BRD1: variants seen among roughly 807,000 people sequenced by gnomAD.
BRD1 encodes bromodomain containing 1.
BRD1 carries 24 observed loss-of-function variants against 107.7 expected under a neutral mutation model. That is an observed-to-expected ratio of 0.22 (90% confidence interval 0.16 to 0.31). The LOEUF (loss-of-function observed/expected upper bound fraction) is 0.31, where lower values mean the gene tolerates loss of function less well. BRD1 is among the 10% of genes least tolerant of loss of function. BRD1 has a pLI of 1.00. For missense variants in BRD1, 1,279 were observed against 1,638.6 expected (o/e 0.78, Z 3.79); for synonymous variants, 744 against 686.1 (o/e 1.08, Z -1.32).
At chr22:49,826,936 G>T (rs377255115) in intron 1 of BRD1, among the ~76,000 whole-genome samples, 1 of 152,144 alleles carries the variant, frequency 6.6e-6, no homozygotes, top group Non-Finnish European at 1.5e-5. Flanking sequence ...GGGAAGCCTC[G>T]CGTTCGTCGC....
Position 49,823,948 on chromosome 22 carries a change from T to C in BRD1, c.370A>G (p.Ile124Val), listed in dbSNP as rs373304041. Residue 124 changes from isoleucine (I) to valine (V), a missense_variant, in exon 2 of 13, where the codon ATC (isoleucine) becomes GTC (valine). This residue lies in a region of BRD1 where 223 missense variants were observed against 263.5 expected (regional missense o/e 0.85). Transcript: ENST00000404760. The part of the protein sequence containing the change: ...ASALPEPKVR[I>V]VEYSPPSAPR... ...GCGGACGGAGGGCTGTACTCCACGATGCGCACCTTGGGCTCCGGGAGGGCA... is the reference window on the plus strand; with the variant it reads ...GCGGACGGAGGGCTGTACTCCACGACGCGCACCTTGGGCTCCGGGAGGGCA... The C allele has an allele frequency of 7.4e-6, 12 of 1,614,168 alleles. No homozygotes were observed. In the African/African-American group the frequency reaches 8.0e-5, roughly 11 times the overall value.
Position 49,787,640 on chromosome 22 carries a change from C to T in BRD1, c.2607G>A (p.Ala869=), listed in dbSNP as rs1291877509. The change falls in exon 8 of 13, where the codon GCG becomes GCA. Residue 869 remains alanine (A), a synonymous_variant. Coordinates refer to ENST00000404760, the MANE Select transcript of BRD1 (RefSeq NM_001304808.3). Reference sequence around the variant, plus strand: ...TTACATCGCTTGCTGGCTCCGCCACCGCGGAGGCCGCCGCCGCCGGCACAT... The same window carrying T: ...TTACATCGCTTGCTGGCTCCGCCACTGCGGAGGCCGCCGCCGCCGGCACAT... ...SGDVPAAAAS[A]VAEPASDVNR... 1.0e-5 allele frequency: 16 copies of T among 1,550,594 alleles called. No homozygotes were observed. Among genetic ancestry groups the T allele is most frequent in the East Asian group, 2.4e-5 (1 of 40,936 alleles).
At chr22:49,775,990 C>A in intron 11 of BRD1, 60 bp downstream of exon 11, 1 of 1,488,966 alleles carries the variant, frequency 6.7e-7, no homozygotes, top group East Asian at 2.4e-5. Context: ...CGGACCACCC[C>A]CGCCCCGCAG....
chr22:49,798,749 C>G lies in BRD1; in HGVS notation c.1657-63G>C, dbSNP rs189635448. 1.6e-3 allele frequency: 2,389 copies of G among 1,483,042 alleles called. 32 individuals carry two copies. The African/African-American group carries it at 0.029, about 18-fold the overall frequency. 91.9% of individuals were successfully genotyped at this position (1,483,042 alleles called of 1,614,324 possible). On this transcript the variant is annotated intron_variant, in intron 4 of 12. Transcript: ENST00000404760. ...GCACATGCGTCTCAGCCCCACCACG[C>G]GCCCCACAGCCACAAGCAGCCCCCA... is the stretch of plus-strand genomic sequence containing the variant.
chr22:49,820,317 G>A (rs904612772), intron 2 of BRD1, among the ~76,000 whole-genome samples: 4 of 152,102 alleles, frequency 2.6e-5, no homozygotes, highest in Admixed American at 2.0e-4. Context: ...CCCTTCCAGC[G>A]TGACTGGCTG....
intron 2 of BRD1, chr22:49,818,230 G>A (rs1379421312): frequency 4.2e-6 from 5 of 1,204,256 alleles, no homozygotes; most frequent in Non-Finnish European, 5.3e-6. Flanking sequence ...GCCTATCTGA[G>A]GTTCTTGTCC....
In BRD1 at chr22:49,823,376, C is replaced by A; in HGVS notation, c.942G>T (p.Gly314=). 2 of 1,613,948 alleles carry A rather than the reference C, an allele frequency of 1.2e-6. No individual in the cohort carries two copies. Among genetic ancestry groups the A allele is most frequent in the Non-Finnish European group, 1.7e-6 (2 of 1,180,030 alleles). Residue 314 remains glycine, a synonymous_variant, in exon 2 of 13, where the codon GGG becomes GGT. Transcript: ENST00000404760. ...ACCGGGCTGGAGGGATGTTCCTCACCCCATCGATGGGCTCGATGAACACCG... is the reference window on the plus strand; with the variant it reads ...ACCGGGCTGGAGGGATGTTCCTCACACCATCGATGGGCTCGATGAACACCG... The part of the protein sequence containing the change: ...ANTVFIEPID[G]VRNIPPARWK...
Position 49,824,539 on chromosome 22 carries a change from G to A in BRD1, c.-14-208C>T. 2 of 1,389,956 alleles carry A rather than the reference G, an allele frequency of 1.4e-6. No homozygotes were observed. Among genetic ancestry groups the A allele is most frequent in the Non-Finnish European group, 1.9e-6 (2 of 1,073,108 alleles). 86.1% of individuals were successfully genotyped at this position (1,389,956 alleles called of 1,614,324 possible). ...ACCAGGGAGGGAGCAGCAGTAACAG[G>A]CAGAGAGGCAGCCTGAGGAGCCCTC... On this transcript the variant is annotated intron_variant, in intron 1 of 12. Transcript: ENST00000404760. This position sits in a 1 kb window ranked among gnomAD's most constrained non-coding sequence, Gnocchi z 5.9.
chr22:49,815,897 G>A (rs920874630), intron 2 of BRD1, among the ~76,000 whole-genome samples: 4 of 152,192 alleles, frequency 2.6e-5, no homozygotes. Flanking sequence ...CAGACCCGAT[G>A]CAGGTCAAGC....
Position 49,798,969 on chromosome 22 carries a change from G to C in BRD1, c.1656+19C>G, listed in dbSNP as rs764415848. On this transcript the variant is annotated intron_variant, in intron 4 of 12. Coordinates refer to ENST00000404760, the MANE Select transcript of BRD1 (RefSeq NM_001304808.3). ...CCGTGGCCAGTGGTGCACTCCACGC[G>C]GGACAGGCCCAGCCCCACCTGCTCA... The C allele has an allele frequency of 1.3e-6, 2 of 1,590,486 alleles. No individual in the cohort carries two copies. Among genetic ancestry groups the C allele is most frequent in the South Asian group, 2.2e-5 (2 of 89,608 alleles).
rs1242072676 is a variant in BRD1, at chr22:49,787,565, T to C, written c.2682A>G (p.Pro894=). The C allele has an allele frequency of 2.5e-6, 4 of 1,585,978 alleles. 1 individual carries two copies. The highest frequency in any genetic ancestry group is 8.6e-7 in the Non-Finnish European group (1 of 1,165,440). The stretch of plus-strand genomic sequence containing the variant: ...GGGTTTCAGTGTTCTTGGCAGACTT[T>C]GGGGGGCTTACACTTTTCGATTTGC... The part of the protein sequence containing the change: ...LFCKSKSVSP[P]KSAKNTETQP... The change falls in exon 8 of 13, where the codon CCA becomes CCG. Residue 894 remains proline, a synonymous_variant. Coordinates refer to ENST00000404760, the MANE Select transcript of BRD1 (RefSeq NM_001304808.3).
intron 8 of BRD1, among the ~76,000 whole-genome samples, chr22:49,786,268 C>T (rs533237978): frequency 7.6e-4 from 116 of 152,330 alleles, no homozygotes; most frequent in Middle Eastern, 3.4e-3. Context: ...CAACCTGAGC[C>T]GGCACCTCCA....
At chr22:49,813,288 C>T (rs1032230622) in intron 2 of BRD1, among the ~76,000 whole-genome samples, 2 of 152,052 alleles carry the variant, frequency 1.3e-5, no homozygotes, top group Non-Finnish European at 2.9e-5. Flanking sequence ...GTGGCATGAT[C>T]TCAGCTCACT....
intron 2 of BRD1, among the ~76,000 whole-genome samples, chr22:49,816,908 A>G (rs887742908): frequency 5.3e-5 from 8 of 152,282 alleles, no homozygotes; most frequent in South Asian, 2.1e-4. Context: ...AGCAGCCGGC[A>G]TATACCACCT....
At chr22:49,804,141 C>T in intron 3 of BRD1, 63 bp downstream of exon 3, 1 of 1,438,846 alleles carries the variant, frequency 7.0e-7, no homozygotes. Context: ...GAACCAGGTG[C>T]CCTCTCCCTG....
chr22:49,797,839 A>G lies in BRD1; in HGVS notation c.2064T>C (p.Ala688=), dbSNP rs763870829. 6.2e-7 allele frequency: 1 copy of G among 1,608,632 alleles called. No individual in the cohort carries two copies. Among genetic ancestry groups the G allele is most frequent in the Admixed American group, 1.7e-5 (1 of 59,844 alleles). Residue 688 remains alanine (A), a synonymous_variant, in exon 6 of 13, where the codon GCT becomes GCC. Transcript: ENST00000404760. The part of the protein sequence containing the change: ...ASGMHLPERP[A]AAPRRPFSWE... ...AGGAGAAAGGCCGCCGCGGTGCCGC[A>G]GCAGGCCGCTCAGGCAGGTGCATCC...
Position 49,774,204 on chromosome 22 carries a change from G to A in BRD1, c.*29C>T. 6.2e-7 allele frequency: 1 copy of A among 1,604,564 alleles called. No individual in the cohort carries two copies. On this transcript the variant is annotated 3_prime_UTR_variant, in exon 13 of 13. Transcript: ENST00000404760. ...AACATGTACAGCTTATCAACACTAT[G>A]GACAAGACCCGCGCTGGCGGCCGGG...
chr22:49,813,725 G>A (rs1020189065), intron 2 of BRD1, among the ~76,000 whole-genome samples: 26 of 151,706 alleles, frequency 1.7e-4, no homozygotes, highest in Non-Finnish European at 3.2e-4. Context: ...CCAGTTACTC[G>A]GGAAGCTGAG....
intron 11 of BRD1, 92 bp downstream of exon 11, chr22:49,775,958 G>T: frequency 1.0e-6 from 1 of 989,962 alleles, no homozygotes; most frequent in Non-Finnish European, 1.4e-6. Flanking sequence ...GAACCTCCTT[G>T]GACCACCGCC....
Sources: gnomAD v4.1 joint callset for allele counts (sites outside exome capture counted in the v4.1 genomes callset) on GRCh38, gnomAD v4.1.1 for gene constraint, gnomAD v4.1.1 regional missense constraint, Gnocchi (gnomAD v3.1) non-coding constraint, MANE v1.5 for transcripts, NCBI Gene and HGNC (gene_info 2026-07-23, HGNC 2026-07-21) for gene names.